The following TPO variants were observed in gnomAD, a reference collection of about 807,000 sequenced individuals.
TPO encodes thyroid peroxidase.
A neutral mutation model predicts 96.9 loss-of-function variants in TPO; 78 were observed. The observed-to-expected ratio is 0.81, with a 90% confidence interval of 0.67 to 0.97. The LOEUF (loss-of-function observed/expected upper bound fraction) is 0.97, where lower values mean the gene tolerates loss of function less well. Among genes scored for constraint, TPO ranks in the 50% least tolerant of loss-of-function variants. The probability of loss-of-function intolerance (pLI) is 0.00; values close to 1 mark genes in which losing one functional copy is unlikely to be tolerated. For missense variants in TPO, 1,252 were observed against 1,274.8 expected, an observed-to-expected ratio of 0.98 and a Z score of 0.27; for synonymous variants, 547 against 538.0, an observed-to-expected ratio of 1.02 and a Z score of -0.23.
At chr2:1,448,922 C>T (rs928202207) in intron 5 of TPO, among the ~76,000 whole-genome samples, 2 of 152,162 alleles carry the variant, frequency 1.3e-5, no homozygotes, top group Non-Finnish European at 2.9e-5. Flanking sequence ...CGCCCGGCTT[C>T]CCAAATGTGC....
rs1183681810 is a variant in TPO, at chr2:1,477,490, G to A, written c.1224G>A (p.Thr408=). 5.2e-6 allele frequency: 8 copies of A among 1,531,054 alleles called. No homozygotes were observed. The highest frequency in any genetic ancestry group is 4.2e-5 in the African/African-American group (3 of 71,930). 94.8% of individuals were successfully genotyped at this position (1,531,054 alleles called of 1,614,324 possible). Residue 408 remains threonine, a synonymous_variant, in exon 8 of 17, where the codon ACG becomes ACA. Transcript: ENST00000329066. Reference sequence around the variant, plus strand: ...TCCCCTCCCTGACGGCACTGCACACGCTGTGGCTGCGCGAGCACAACCGCC... The same window carrying A: ...TCCCCTCCCTGACGGCACTGCACACACTGTGGCTGCGCGAGCACAACCGCC... ...SEVPSLTALH[T]LWLREHNRLA... is the part of the protein sequence containing the mutation.
At chr2:1,391,606 A>G (rs1249397739) in intron 1 of TPO, among the ~76,000 whole-genome samples, 1 of 152,208 alleles carries the variant, frequency 6.6e-6, no homozygotes, top group Non-Finnish European at 1.5e-5. Flanking sequence ...TACCTTGGGC[A>G]GTATGGCCAT....
intron 1 of TPO, among the ~76,000 whole-genome samples, chr2:1,384,624 G>A (rs1661859027): frequency 6.6e-6 from 1 of 151,994 alleles, no homozygotes; most frequent in Non-Finnish European, 1.5e-5. Flanking sequence ...GAGATGATGG[G>A]GTTTTCTAAA....
At chr2:1,470,591 T>C (rs1313758921) in intron 7 of TPO, among the ~76,000 whole-genome samples, 1 of 151,744 alleles carries the variant, frequency 6.6e-6, no homozygotes, top group Admixed American at 6.6e-5. Flanking sequence ...CTGGGCTTGA[T>C]ATACAACTTT....
At chr2:1,505,664 T>C (rs760011176) in intron 14 of TPO, among the ~76,000 whole-genome samples, 11 of 152,072 alleles carry the variant, frequency 7.2e-5, no homozygotes, top group Non-Finnish European at 1.5e-4. Context: ...TGCAGGTTTG[T>C]TACATAGGTA....
In TPO at chr2:1,534,481, C is replaced by T. The variant is rs141978291; in HGVS notation, c.2619-6113C>T. ...TCAAATCCCTCCCACTCTGTGCAAA[C>T]TCCCCAAACCCCCCACGCAGTGTGC... On this transcript the variant is annotated intron_variant, in intron 15 of 16. Coordinates refer to ENST00000329066, the MANE Select transcript of TPO (RefSeq NM_001206744.2). Among the ~76,000 whole-genome samples, 158 of 94,134 alleles carry T rather than the reference C, an allele frequency of 1.7e-3. 25 individuals are homozygous for T. The East Asian group carries it at 0.045, about 27-fold the overall frequency. The allele number at this position is 94,134 out of a possible 152,430, so 61.8% of individuals were successfully genotyped here. A position where few individuals can be genotyped will look rare whatever the true frequency, so the allele number is the denominator to read the frequency against.
chr2:1,496,232 C>T, intron 12 of TPO, 35 bp downstream of exon 12: 1 of 1,599,870 alleles, frequency 6.3e-7, no homozygotes. Flanking sequence ...CACGTTACAG[C>T]ACGTGCATCT....
intron 15 of TPO, among the ~76,000 whole-genome samples, chr2:1,526,769 T>A (rs1296621595): frequency 3.3e-5 from 3 of 89,648 alleles, no homozygotes; most frequent in Non-Finnish European, 6.1e-5. Context: ...CTGTGCAACC[T>A]CCCCAAATCC....
chr2:1,414,397 G>T lies in TPO; in HGVS notation c.-1-11G>T. 1 of 1,611,094 alleles carries T rather than the reference G, an allele frequency of 6.2e-7. No homozygotes were observed. Among genetic ancestry groups the T allele is most frequent in the South Asian group, 1.1e-5 (1 of 90,376 alleles). On this transcript the variant is annotated splice_polypyrimidine_tract_variant and intron_variant, in intron 1 of 16. Coordinates refer to ENST00000329066, the MANE Select transcript of TPO (RefSeq NM_001206744.2). ...TTGATTACATACTCTGTCTCCTTCCGTTAATTTTAGAATGAGAGCGCTCGC... is the reference window on the plus strand; with the variant it reads ...TTGATTACATACTCTGTCTCCTTCCTTTAATTTTAGAATGAGAGCGCTCGC...
At chr2:1,400,838 A>T (rs1209244803) in intron 1 of TPO, among the ~76,000 whole-genome samples, 1 of 152,126 alleles carries the variant, frequency 6.6e-6, no homozygotes, top group East Asian at 1.9e-4. Context: ...GCCAAAGGGG[A>T]TCTTTTTAAA....
At chr2:1,462,271 C>T (rs1239251071) in intron 7 of TPO, among the ~76,000 whole-genome samples, 3 of 152,120 alleles carry the variant, frequency 2.0e-5, no homozygotes, top group African/African-American at 7.2e-5. Flanking sequence ...GGCTTGTTCC[C>T]AGGAGCTGAG....
At chr2:1,503,142 T>C (rs3755549) in intron 13 of TPO, among the ~76,000 whole-genome samples, 79,291 of 152,140 alleles carry the variant, frequency 0.52, 21,550 homozygotes, top group African/African-American at 0.68. Flanking sequence ...CCAGTGCTTT[T>C]GCTCTGTCTA....
intron 10 of TPO, among the ~76,000 whole-genome samples, chr2:1,490,873 C>A (rs2124894774): frequency 6.6e-6 from 1 of 152,264 alleles, no homozygotes; most frequent in East Asian, 1.9e-4. Flanking sequence ...ACAACCTTCC[C>A]CAAAACACTT....
intron 1 of TPO, among the ~76,000 whole-genome samples, chr2:1,401,702 C>A (rs185019863): frequency 2.9e-4 from 44 of 152,290 alleles, no homozygotes; most frequent in South Asian, 1.7e-3. Context: ...TACCTCAAAT[C>A]CTGCCTCAGT....
intron 15 of TPO, among the ~76,000 whole-genome samples, chr2:1,535,939 A>C (rs1169881664): frequency 7.8e-3 from 54 of 6,918 alleles, no homozygotes; most frequent in African/African-American, 9.7e-3. Flanking sequence ...CAAATCCCCC[A>C]CACTATGTGC....
At chr2:1,469,171 T>G (rs1042902794) in intron 7 of TPO, among the ~76,000 whole-genome samples, 3 of 152,262 alleles carry the variant, frequency 2.0e-5, no homozygotes, top group Admixed American at 6.5e-5. Context: ...CCTTCCTGAT[T>G]AGCTTAATAA....
chr2:1,422,002 C>G (rs1241678825), intron 2 of TPO, among the ~76,000 whole-genome samples: 3 of 152,222 alleles, frequency 2.0e-5, no homozygotes, highest in Non-Finnish European at 4.4e-5. Flanking sequence ...TCCCTCCTGC[C>G]CTTGCCCCAG....
chr2:1,495,116 C>T (rs576392368), intron 11 of TPO, among the ~76,000 whole-genome samples: 6 of 152,344 alleles, frequency 3.9e-5, no homozygotes, highest in African/African-American at 1.2e-4. Flanking sequence ...CATCTGAAAT[C>T]AGTGCAGAGG....
intron 16 of TPO, 165 bp downstream of exon 16, chr2:1,540,888 C>G: frequency 6.5e-7 from 1 of 1,547,014 alleles, no homozygotes; most frequent in Non-Finnish European, 8.7e-7. Flanking sequence ...AAGCTAATGA[C>G]AGTGAGCCAG....
Sources: allele counts gnomAD v4.1 joint callset (sites outside exome capture counted in the v4.1 genomes callset), GRCh38; gene constraint gnomAD v4.1.1; transcripts MANE v1.5; gene names NCBI Gene and HGNC (gene_info 2026-07-23, HGNC 2026-07-21).